The following MSH3 variants were observed in gnomAD, a reference collection of about 807,000 sequenced individuals.
MSH3 encodes DNA mismatch repair protein Msh3.
A neutral mutation model predicts 123.3 loss-of-function variants in MSH3; 106 were observed. The observed-to-expected ratio is 0.86, with a 90% CI of 0.73 to 1.01. The LOEUF is 1.01. MSH3 is among the 50% of genes least tolerant of loss of function. The pLI is 0.00. For synonymous variants in MSH3, 515 were observed against 481.4 expected (o/e 1.07, Z -0.91); for missense variants, 1,459 against 1,347.6 (o/e 1.08, Z -1.29).
chr5:80,808,095 T>C (rs182265776), intron 19 of MSH3, among the ~76,000 whole-genome samples: 13 of 152,292 alleles, frequency 8.5e-5, no homozygotes, highest in African/African-American at 2.9e-4. Flanking sequence ...TAAGTACTTT[T>C]TGTTAGTATA....
intron 15 of MSH3, 92 bp from the exon 16 acceptor site, chr5:80,775,602 A>G (rs1744283582): frequency 6.8e-6 from 5 of 737,562 alleles, no homozygotes; most frequent in Non-Finnish European, 1.2e-5. Context: ...GTTTAACAAT[A>G]TATAATAAAT....
rs1245725634 is a variant in MSH3 at position 80,670,312 on chromosome 5, A to G, written c.792+3A>G. On this transcript the variant is annotated splice_donor_region_variant and intron_variant, in intron 4 of 23. Transcript: ENST00000265081. ...GATTCTTTGGGGAAGATGCAGAGGT[A>G]AGTCGTCTTTTCAGGCACTATTTTA... The G allele has an allele frequency of 9.9e-6, 16 of 1,613,614 alleles. No individual in the cohort carries two copies. The highest frequency in any genetic ancestry group is 1.4e-5 in the Non-Finnish European group (16 of 1,179,698).
intron 20 of MSH3, among the ~76,000 whole-genome samples, chr5:80,839,114 C>T (rs1745569604): frequency 1.3e-5 from 2 of 152,138 alleles, no homozygotes; most frequent in African/African-American, 4.8e-5. Flanking sequence ...AACTTGTAAT[C>T]CCAACACTTT....
intron 18 of MSH3, 144 bp downstream of exon 18, chr5:80,787,816 C>A: frequency 1.6e-6 from 1 of 627,986 alleles, no homozygotes. Context: ...ACATATGTAG[C>A]TTGATTTGAA....
chr5:80,824,235 C>T (rs1376159852), intron 20 of MSH3, among the ~76,000 whole-genome samples: 5 of 151,966 alleles, frequency 3.3e-5, no homozygotes, highest in Non-Finnish European at 4.4e-5. Flanking sequence ...GGGTGGCGGC[C>T]GGGCAGAGGG....
chr5:80,750,078 A>AGAGTGT (rs1554071460), intron 12 of MSH3, among the ~76,000 whole-genome samples: 4 of 134,206 alleles, frequency 3.0e-5, no homozygotes, highest in Admixed American at 1.5e-4. Context: ...AGTATTCCAG[A>AGAGTGT]GTGTGTGTGT....
Position 80,863,193 on chromosome 5 carries a change from C to T in MSH3, c.3001-1620C>T, listed in dbSNP as rs558016494. ...CATATACATGGAATATTCCTGGTAT[C>T]GACGAAAAGAGTCAAACTCTGTAAA... On this transcript the variant is annotated intron_variant, in intron 21 of 23. Coordinates refer to ENST00000265081, the MANE Select transcript of MSH3 (RefSeq NM_002439.5). Among the ~76,000 whole-genome samples the T allele has an allele frequency of 7.2e-5, 11 of 152,182 alleles. No individual in the cohort carries two copies. The South Asian group carries it at 1.7e-3, about 23-fold the overall frequency.
intron 13 of MSH3, among the ~76,000 whole-genome samples, chr5:80,765,438 A>G (rs1370883788): frequency 1.3e-5 from 2 of 152,202 alleles, no homozygotes; most frequent in Non-Finnish European, 2.9e-5. Flanking sequence ...TGATACACTT[A>G]GAATTCAACA....
At chr5:80,863,139 G>A (rs1746041353) in intron 21 of MSH3, among the ~76,000 whole-genome samples, 1 of 152,176 alleles carries the variant, frequency 6.6e-6, no homozygotes, top group Non-Finnish European at 1.5e-5. Context: ...CCCACCTGAT[G>A]TGATGCACTG....
chr5:80,872,440 G>A (rs1415915772), intron 22 of MSH3, among the ~76,000 whole-genome samples: 1 of 152,158 alleles, frequency 6.6e-6, no homozygotes, highest in Admixed American at 6.6e-5. Context: ...CTGCACTCCA[G>A]CATGGATGAC....
chr5:80,862,030 G>A (rs961546420), intron 21 of MSH3, among the ~76,000 whole-genome samples: 8 of 152,020 alleles, frequency 5.3e-5, no homozygotes, highest in Non-Finnish European at 1.2e-4. Context: ...TATTTTCATG[G>A]TTCCTTCTGA....
chr5:80,851,122 A>G (rs1490335435), intron 20 of MSH3, among the ~76,000 whole-genome samples: 1 of 151,848 alleles, frequency 6.6e-6, no homozygotes, highest in African/African-American at 2.4e-5. Flanking sequence ...TTATTATTGG[A>G]TATTTGATTT....
rs1455445683 is a variant in MSH3 at position 80,768,853 on chromosome 5, ATTAT to A, written c.2107_2110del (p.Phe703LysfsTer8). The A allele has an allele frequency of 6.2e-7, 1 of 1,609,280 alleles. No homozygotes were observed. Among genetic ancestry groups the A allele is most frequent in the South Asian group, 1.1e-5 (1 of 90,724 alleles). On this transcript the variant is annotated frameshift_variant, in exon 15 of 24. Transcript: ENST00000265081. LOFTEE classifies it high-confidence loss of function. ...TTTTTAGAGTTGGGGATAAAACTGAATTATTTAAAGACCTTTCTGACTTCCCTTT... is the reference window on the plus strand; with the variant it reads ...TTTTTAGAGTTGGGGATAAAACTGAATTAAAGACCTTTCTGACTTCCCTTT...
chr5:80,834,408 C>T (rs1043410140), intron 20 of MSH3, among the ~76,000 whole-genome samples: 3 of 150,098 alleles, frequency 2.0e-5, no homozygotes, highest in South Asian at 4.2e-4. Context: ...GTGATGGCTA[C>T]ACAACCTTGT....
intron 9 of MSH3, among the ~76,000 whole-genome samples, chr5:80,726,709 T>C (rs1281723293): frequency 1.3e-5 from 2 of 152,050 alleles, no homozygotes; most frequent in Admixed American, 1.3e-4. Context: ...GCTCAAACGA[T>C]CCTCCCACCT....
At chr5:80,796,309 TAAAG>T (rs1744697977) in intron 19 of MSH3, among the ~76,000 whole-genome samples, 1 of 152,146 alleles carries the variant, frequency 6.6e-6, no homozygotes, top group Non-Finnish European at 1.5e-5. Context: ...AATAATGTTT[TAAAG>T]AAACATTGAA....
At chr5:80,656,591 C>T in intron 2 of MSH3, 60 bp downstream of exon 2, 1 of 1,608,772 alleles carries the variant, frequency 6.2e-7, no homozygotes, top group Non-Finnish European at 8.5e-7. Context: ...TGGAATTCTC[C>T]AGAGGGCAGA....
chr5:80,658,212 C>T (rs912683811), intron 2 of MSH3, among the ~76,000 whole-genome samples: 2 of 151,576 alleles, frequency 1.3e-5, no homozygotes, highest in Non-Finnish European at 2.9e-5. Context: ...GTGCGTGCCA[C>T]CACACCTGGC....
At chr5:80,862,011 G>T (rs1746021674) in intron 21 of MSH3, among the ~76,000 whole-genome samples, 1 of 152,120 alleles carries the variant, frequency 6.6e-6, no homozygotes, top group Non-Finnish European at 1.5e-5. Context: ...TTTTATGGAT[G>T]AAAATCTTTA....
Sources: gnomAD v4.1 joint callset for allele counts (sites outside exome capture counted in the v4.1 genomes callset) on GRCh38, gnomAD v4.1.1 for gene constraint, MANE v1.5 for transcripts, NCBI Gene and HGNC (gene_info 2026-07-23, HGNC 2026-07-21) for gene names.